The following ZNF654 variants were observed in gnomAD, a reference collection of about 807,000 sequenced individuals.
ZNF654 encodes zinc finger protein 654, also known as melanoma-associated antigen.
In ZNF654, 19 loss-of-function variants were observed where a neutral mutation model predicts 95.3. The ratio of observed to expected loss-of-function variants is 0.20; its 90% CI spans 0.14 to 0.29. ZNF654 has a LOEUF of 0.29. ZNF654 is among the 10% of genes least tolerant of loss of function. The pLI is 1.00. For missense variants in ZNF654, 1,046 were observed against 1,341.0 expected (o/e 0.78, Z 3.44); for synonymous variants, 413 against 457.9 (o/e 0.90, Z 1.25).
chr3:88,135,135 A>G lies in ZNF654; in HGVS notation c.968A>G (p.Tyr323Cys). ...PSKQVFVDQC[Y>C]QLLRTATNVR... ...AAACAAGTTTTTGTAGATCAATGCT[A>G]CCAGCTTTTAAGAACAGCAACTAAT... is the stretch of plus-strand genomic sequence containing the variant. The change falls in exon 7 of 9, where the codon TAC becomes TGC. Residue 323 changes from tyrosine to cysteine, a missense_variant. This residue lies in a region of ZNF654 where 121 missense variants were observed against 141.7 expected (regional missense o/e 0.85). Coordinates refer to ENST00000636215, the MANE Select transcript of ZNF654 (RefSeq NM_001350134.2). The G allele has an allele frequency of 1.3e-6, 2 of 1,492,146 alleles. No homozygotes were observed. Among genetic ancestry groups the G allele is most frequent in the South Asian group, 1.3e-5 (1 of 75,466 alleles). The allele number at this position is 1,492,146 out of a possible 1,614,324, so 92.4% of individuals were successfully genotyped here. A position where few individuals can be genotyped will look rare whatever the true frequency, so the allele number is the denominator to read the frequency against.
chr3:88,077,331 A>ATTTTTT (rs372006323), intron 1 of ZNF654, among the ~76,000 whole-genome samples: 1 of 139,694 alleles, frequency 7.2e-6, no homozygotes. Context: ...GCAGACTTAA[A>ATTTTTT]TTGTTTTTTT....
Position 88,077,897 on chromosome 3 carries a change from T to TAA in ZNF654, c.187-8359_187-8358insAA, listed in dbSNP as rs1707898870. On this transcript the variant is annotated intron_variant, in intron 1 of 8. Coordinates refer to ENST00000636215, the MANE Select transcript of ZNF654 (RefSeq NM_001350134.2). ...TATACTCTGTGTTGTAGCTTCACTG[T>TAA]ATTTCATGAGTCACCAAAGCCCCTT... Among the ~76,000 whole-genome samples, 4 of 152,322 alleles carry TAA rather than the reference T, an allele frequency of 2.6e-5. No individual in the cohort carries two copies. The South Asian group carries it at 8.3e-4, about 32-fold the overall frequency.
At chr3:88,064,109 CTTT>C (rs34753092) in intron 1 of ZNF654, among the ~76,000 whole-genome samples, 4 of 147,948 alleles carry the variant, frequency 2.7e-5, no homozygotes, top group African/African-American at 2.5e-5. Context: ...CGAGCTTCTT[CTTT>C]TTTTTTTTTT....
rs1247435511 is a variant in ZNF654, at chr3:88,139,821, A to T, written c.2152A>T (p.Asn718Tyr). 3.8e-6 allele frequency: 6 copies of T among 1,565,248 alleles called. No homozygotes were observed. Among genetic ancestry groups the T allele is most frequent in the South Asian group, 3.5e-5 (3 of 85,700 alleles). The change falls in exon 8 of 9, where the codon AAT becomes TAT. Residue 718 changes from asparagine to tyrosine, a missense_variant. This residue lies in a region of ZNF654 where 495 missense variants were observed against 537.0 expected (regional missense o/e 0.92). Coordinates refer to ENST00000636215, the MANE Select transcript of ZNF654 (RefSeq NM_001350134.2). ...TTATGAAGAAGATGATTATGACCTG[A>T]ATCAAGAAACTTCAGTAATTCATAA... Reference protein sequence around the residue: ...GDYEEDDYDLNQETSVIHKIN... With the variant: ...GDYEEDDYDLYQETSVIHKIN...
chr3:88,077,911 C>G (rs1313197913), intron 1 of ZNF654, among the ~76,000 whole-genome samples: 1 of 152,090 alleles, frequency 6.6e-6, no homozygotes, highest in Non-Finnish European at 1.5e-5. Flanking sequence ...TCATGAGTCA[C>G]CAAAGCCCCT....
intron 1 of ZNF654, among the ~76,000 whole-genome samples, chr3:88,065,481 C>G (rs985027371): frequency 6.6e-6 from 1 of 151,980 alleles, no homozygotes; most frequent in Non-Finnish European, 1.5e-5. Context: ...TTTATTCATA[C>G]GAGAAACTGT....
intron 1 of ZNF654, among the ~76,000 whole-genome samples, chr3:88,082,300 T>C (rs1416308826): frequency 6.6e-6 from 1 of 152,116 alleles, no homozygotes; most frequent in African/African-American, 2.4e-5. Flanking sequence ...CTAATTTTTA[T>C]ATTTTTAGTA....
In ZNF654 at chr3:88,143,744, G is replaced by GC. The variant is rs1459985606; in HGVS notation, c.*2093dup. ...CTTTTGTGTTGCTAAAATTATTTCTGCAAGACTGAGATCAAACTGGTTTAT... is the reference window on the plus strand; with the variant it reads ...CTTTTGTGTTGCTAAAATTATTTCTGCCAAGACTGAGATCAAACTGGTTTAT... On this transcript the variant is annotated 3_prime_UTR_variant, in exon 9 of 9. Transcript: ENST00000636215. The GC allele has an allele frequency of 6.6e-6, 1 of 151,960 alleles. No individual in the cohort carries two copies. The highest frequency in any genetic ancestry group is 2.4e-5 in the African/African-American group (1 of 41,336). 9.4% of individuals were successfully genotyped at this position (151,960 alleles called of 1,614,324 possible). A position where few individuals can be genotyped will look rare whatever the true frequency, so the allele number is the denominator to read the frequency against.
At chr3:88,081,886 A>G (rs1321602176) in intron 1 of ZNF654, among the ~76,000 whole-genome samples, 1 of 152,208 alleles carries the variant, frequency 6.6e-6, no homozygotes, top group Admixed American at 6.5e-5. Flanking sequence ...CTCAATGGAT[A>G]GCTAGGAAAT....
chr3:88,082,817 A>AAT (rs1708149417), intron 1 of ZNF654, among the ~76,000 whole-genome samples: 1 of 152,192 alleles, frequency 6.6e-6, no homozygotes, highest in South Asian at 2.1e-4. Context: ...CCATAGGAAA[A>AAT]TGCTTGGTGG....
intron 1 of ZNF654, among the ~76,000 whole-genome samples, 186 bp downstream of exon 1, chr3:88,059,691 T>A (rs934414352): frequency 6.6e-6 from 1 of 151,830 alleles, no homozygotes; most frequent in African/African-American, 2.4e-5. Flanking sequence ...AAGGCGAGGG[T>A]GACCCACGGG....
chr3:88,104,995 T>G (rs1356320358), intron 2 of ZNF654, among the ~76,000 whole-genome samples: 1 of 151,884 alleles, frequency 6.6e-6, no homozygotes, highest in Non-Finnish European at 1.5e-5. Flanking sequence ...CAAAAATTAG[T>G]CAGGTGTGGT....
chr3:88,105,022 C>T (rs911354121), intron 2 of ZNF654, among the ~76,000 whole-genome samples: 72 of 152,280 alleles, frequency 4.7e-4, no homozygotes, highest in African/African-American at 1.7e-3. Context: ...CGCCTGTAAT[C>T]CCAGCTACTC....
chr3:88,086,939 C>G (rs1426478846), intron 2 of ZNF654, among the ~76,000 whole-genome samples: 1 of 152,122 alleles, frequency 6.6e-6, no homozygotes, highest in East Asian at 1.9e-4. Flanking sequence ...CCCGCCACCA[C>G]GCCTGGCTAA....
Position 88,135,114 on chromosome 3 carries a change from A to G in ZNF654, c.947A>G (p.Gln316Arg). ...CAGCTTAAATCTAATCCTTCAAAAC[A>G]AGTTTTTGTAGATCAATGCTACCAG... is the stretch of plus-strand genomic sequence containing the variant. ...KLQLKSNPSK[Q>R]VFVDQCYQLL... is the part of the protein sequence containing the mutation. Residue 316 changes from glutamine (Q) to arginine (R), a missense_variant, in exon 7 of 9, where the codon CAA (glutamine) becomes CGA (arginine). Gln to Arg is a conservative substitution (Grantham distance 43, BLOSUM62 1). Coordinates refer to ENST00000636215, the MANE Select transcript of ZNF654 (RefSeq NM_001350134.2). 6 of 1,481,294 alleles carry G rather than the reference A, an allele frequency of 4.1e-6. No individual in the cohort carries two copies. The highest frequency in any genetic ancestry group is 5.3e-6 in the Non-Finnish European group (6 of 1,123,316). The allele number at this position is 1,481,294 out of a possible 1,614,324, so 91.8% of individuals were successfully genotyped here.
At position 88,128,996 on chromosome 3, in the gene ZNF654, T is replaced by A; in HGVS notation, c.738T>A (p.Asp246Glu). Residue 246 changes from aspartate to glutamate, a missense_variant, in exon 5 of 9, where the codon GAT (aspartate) becomes GAA (glutamate). Physicochemically the swap from Asp to Glu is conservative, Grantham distance 45. Coordinates refer to ENST00000636215, the MANE Select transcript of ZNF654 (RefSeq NM_001350134.2). Reference protein sequence around the residue: ...FTCLFMSPVEDQLFREHLLKT... With the variant: ...FTCLFMSPVEEQLFREHLLKT... ...GTCTGTTTATGTCACCTGTAGAAGA[T>A]CAGCTATTCCGGGAGGTATTGTTTG... 6.5e-7 allele frequency: 1 copy of A among 1,533,326 alleles called. No homozygotes were observed. The highest frequency in any genetic ancestry group is 8.7e-7 in the Non-Finnish European group (1 of 1,145,480). The allele number at this position is 1,533,326 out of a possible 1,614,324, so 95.0% of individuals were successfully genotyped here. A position where few individuals can be genotyped will look rare whatever the true frequency, so the allele number is the denominator to read the frequency against.
chr3:88,100,309 A>G (rs1048017737), intron 2 of ZNF654, among the ~76,000 whole-genome samples: 3 of 152,204 alleles, frequency 2.0e-5, no homozygotes, highest in African/African-American at 7.2e-5. Flanking sequence ...CAATCATTAA[A>G]AAGTCAGGAA....
intron 6 of ZNF654, among the ~76,000 whole-genome samples, chr3:88,134,233 T>C (rs1706635193): frequency 1.3e-5 from 2 of 152,124 alleles, no homozygotes; most frequent in Non-Finnish European, 2.9e-5. Context: ...GAGTACACTA[T>C]GTGCACCCTC....
chr3:88,088,484 A>T (rs1190786283), intron 2 of ZNF654, among the ~76,000 whole-genome samples: 1 of 152,226 alleles, frequency 6.6e-6, no homozygotes, highest in Non-Finnish European at 1.5e-5. Flanking sequence ...GAAAGGAATA[A>T]TGAGATATGA....
Sources: allele counts gnomAD v4.1 joint callset (sites outside exome capture counted in the v4.1 genomes callset), GRCh38; gene constraint gnomAD v4.1.1; regional missense constraint gnomAD v4.1.1; transcripts MANE v1.5; gene names NCBI Gene and HGNC (gene_info 2026-07-23, HGNC 2026-07-21).